DDX51: variants seen among roughly 807,000 people sequenced by gnomAD.
The protein encoded by DDX51 is ATP-dependent RNA helicase DDX51.
In DDX51, 67 loss-of-function variants were observed where a neutral mutation model predicts 74.6. That is an observed-to-expected ratio of 0.90 (90% CI 0.74 to 1.10). The LOEUF (loss-of-function observed/expected upper bound fraction) is 1.10. Ranked by LOEUF, DDX51 falls within the 50% of genes least tolerant of loss-of-function variation. DDX51 has a pLI of 0.00. For synonymous variants in DDX51, 545 were observed against 402.9 expected, an observed-to-expected ratio of 1.35 and a Z score of -4.22; for missense variants, 1,056 against 905.2, an observed-to-expected ratio of 1.17 and a Z score of -2.14.
At position 132,137,089 on chromosome 12, in the gene DDX51, G is replaced by A. The variant is rs1439047305; in HGVS notation, c.*2183C>T. The A allele has an allele frequency of 6.6e-6, 1 of 152,256 alleles. No individual in the cohort carries two copies. Among genetic ancestry groups the A allele is most frequent in the Non-Finnish European group, 1.5e-5 (1 of 68,068 alleles). 9.4% of individuals were successfully genotyped at this position (152,256 alleles called of 1,614,324 possible). On this transcript the variant is annotated 3_prime_UTR_variant, in exon 15 of 15. Coordinates refer to ENST00000397333, the MANE Select transcript of DDX51 (RefSeq NM_175066.4). ...GTATAGAGAGTTTCTGTCAGACTCA[G>A]TCTGTGCTGCTCTGTGACACTTTTC... is the stretch of plus-strand genomic sequence containing the variant.
At chr12:132,141,200 G>C in intron 8 of DDX51, 75 bp downstream of exon 8, 1 of 1,515,370 alleles carries the variant, frequency 6.6e-7, no homozygotes. Context: ...CTTATCTCTG[G>C]GCATTAAGGA....
chr12:132,142,285 C>G lies in DDX51; in HGVS notation c.808G>C (p.Val270Leu). The change falls in exon 4 of 15, where the codon GTG becomes CTG. Residue 270 changes from valine (V) to leucine (L), a missense_variant. Val to Leu is a conservative substitution (Grantham distance 32, BLOSUM62 1). Coordinates refer to ENST00000397333, the MANE Select transcript of DDX51 (RefSeq NM_175066.4). ...GGGACCCTCACACAGACCTGCACCACAGGGATGACGAAGGCCAGTGTCTTC... is the reference window on the plus strand; with the variant it reads ...GGGACCCTCACACAGACCTGCACCAGAGGGATGACGAAGGCCAGTGTCTTC... ...SGKTLAFVIPVVQALLSRVVC... is the reference protein window; with the variant it reads ...SGKTLAFVIPLVQALLSRVVC... The G allele has an allele frequency of 6.2e-7, 1 of 1,613,098 alleles. No homozygotes were observed. Among genetic ancestry groups the G allele is most frequent in the Non-Finnish European group, 8.5e-7 (1 of 1,179,960 alleles).
At chr12:132,143,553 T>C (rs986940971) in intron 2 of DDX51, 142 bp downstream of exon 2, 1 of 1,139,588 alleles carries the variant, frequency 8.8e-7, no homozygotes. Context: ...CCCTAGGCGA[T>C]GAAACTGCAG....
At chr12:132,141,816 C>A in intron 6 of DDX51, 34 bp downstream of exon 6, 3 of 1,605,328 alleles carry the variant, frequency 1.9e-6, no homozygotes, top group Non-Finnish European at 2.6e-6. Flanking sequence ...TGAGCAGGGA[C>A]CCCCTGAAAA....
Position 132,140,469 on chromosome 12 carries a change from G to A in DDX51, c.1627C>T (p.Gln543Ter). Reference sequence around the variant, plus strand: ...AACTGCTTCAGGATCATCCTCCTCTGGCCAGGCCCGTAGCGCGAGGAGAAC... The same window carrying A: ...AACTGCTTCAGGATCATCCTCCTCTAGCCAGGCCCGTAGCGCGAGGAGAAC... ...AEFSSRYGPG[Q>*]RRMILKQFEQ... is the part of the protein sequence containing the mutation. Residue 543 changes from glutamine (Q) to a stop codon, truncating the protein, a stop_gained, in exon 11 of 15, where the codon CAG becomes TAG. Transcript: ENST00000397333. LOFTEE classifies it high-confidence loss of function. 1.2e-6 allele frequency: 2 copies of A among 1,613,262 alleles called. No homozygotes were observed. The highest frequency in any genetic ancestry group is 8.5e-7 in the Non-Finnish European group (1 of 1,180,026).
Position 132,142,759 on chromosome 12 carries a change from C to T in DDX51, c.639G>A (p.Leu213=), listed in dbSNP as rs766863211. 4 of 1,612,992 alleles carry T rather than the reference C, an allele frequency of 2.5e-6. No homozygotes were observed. Among genetic ancestry groups the T allele is most frequent in the Non-Finnish European group, 3.4e-6 (4 of 1,179,998 alleles). The change falls in exon 3 of 15, where the codon CTG becomes CTA. Residue 213 remains leucine (L), a synonymous_variant. Transcript: ENST00000397333. ...PDVHPDLQKQ[L]RAHGISSYFP... ...AGTAGGACGAGATGCCGTGTGCCCG[C>T]AGCTGCTTCTGCAGGTCAGGATGGA...
chr12:132,140,999 G>A lies in DDX51; in HGVS notation c.1272C>T (p.Pro424=). The A allele has an allele frequency of 3.1e-6, 5 of 1,598,308 alleles. No homozygotes were observed. Among genetic ancestry groups the A allele is most frequent in the Non-Finnish European group, 4.3e-6 (5 of 1,174,488 alleles). The change falls in exon 9 of 15, where the codon CCC becomes CCT. Residue 424 remains proline, a synonymous_variant. Transcript: ENST00000397333. ...TAASTCCPQM[P]LQKLLFSATL... is the part of the protein sequence containing the mutation. ...TAGCTGAGAAGAGCAGCTTCTGCAG[G>A]GGCATCTGGGGACAGCAGGTGCTGG...
intron 5 of DDX51, 52 bp from the exon 6 acceptor site, chr12:132,142,008 C>A: frequency 6.2e-7 from 1 of 1,607,716 alleles, no homozygotes; most frequent in Non-Finnish European, 8.5e-7. Context: ...CCACCTACTG[C>A]AGCAAAAAGG....
chr12:132,142,878 C>G lies in DDX51; in HGVS notation c.520G>C (p.Val174Leu). The G allele has an allele frequency of 6.2e-7, 1 of 1,612,608 alleles. No individual in the cohort carries two copies. Among genetic ancestry groups the G allele is most frequent in the East Asian group, 2.2e-5 (1 of 44,884 alleles). The change falls in exon 3 of 15, where the codon GTC becomes CTC. Residue 174 changes from valine to leucine, a missense_variant and splice_region_variant. By Grantham distance (32) the Val-to-Leu change is conservative. Transcript: ENST00000397333. ...AGCCACCTTGGCAGGAAAGGCTGGA[C>G]CTGCCATCAAAAAGAAAGAGAGGCC... ...GGFGKRKAPKVQPFLPRWLAE... is the reference protein window; with the variant it reads ...GGFGKRKAPKLQPFLPRWLAE...
chr12:132,141,241 G>C (rs767776545), intron 8 of DDX51, 34 bp downstream of exon 8: 1 of 1,567,820 alleles, frequency 6.4e-7, no homozygotes, highest in South Asian at 1.1e-5. Flanking sequence ...ACTCTGCTCA[G>C]GGGAGGCCAG....
In DDX51 at chr12:132,141,595, T is replaced by C; in HGVS notation, c.1007A>G (p.Tyr336Cys). 1.3e-6 allele frequency: 2 copies of C among 1,596,572 alleles called. No homozygotes were observed. Among genetic ancestry groups the C allele is most frequent in the Non-Finnish European group, 1.7e-6 (2 of 1,172,942 alleles). Residue 336 changes from tyrosine to cysteine, a missense_variant, in exon 7 of 15, where the codon TAC becomes TGC. Tyr to Cys is a radical substitution (Grantham distance 194). Coordinates refer to ENST00000397333, the MANE Select transcript of DDX51 (RefSeq NM_175066.4). ...ESLVQKTADG[Y>C]RCLADIVVAT... ...TACCACGATGTCAGCCAAGCAGCGG[T>C]ACCCATCAGCTCTACAGACCAGAGA...
At chr12:132,143,341 G>A (rs1484420463) in intron 2 of DDX51, 2 of 456,052 alleles carry the variant, frequency 4.4e-6, no homozygotes, top group Non-Finnish European at 7.8e-6. Flanking sequence ...TCTCTTTACC[G>A]AAAACCACAC....
At position 132,142,392 on chromosome 12, in the gene DDX51, T is replaced by C. The variant is rs752811542; in HGVS notation, c.701A>G (p.Glu234Gly). Reference sequence around the variant, plus strand: ...CACCAGAAACCCACAGGCTGCGCTCTCCAGGAGGGCAGGAATCACAGCTGC... The same window carrying C: ...CACCAGAAACCCACAGGCTGCGCTCCCCAGGAGGGCAGGAATCACAGCTGC... Reference protein sequence around the residue: ...VQAAVIPALLESAACGFLVGR... With the variant: ...VQAAVIPALLGSAACGFLVGR... Residue 234 changes from glutamate to glycine, a missense_variant, in exon 4 of 15, where the codon GAG becomes GGG. Transcript: ENST00000397333. 1.7e-5 allele frequency: 27 copies of C among 1,612,596 alleles called. No individual in the cohort carries two copies. The highest frequency in any genetic ancestry group is 2.3e-5 in the Non-Finnish European group (27 of 1,180,004).
At position 132,139,104 on chromosome 12, in the gene DDX51, G is replaced by C. The variant is rs1897352698; in HGVS notation, c.*168C>G. 3.0e-6 allele frequency: 3 copies of C among 991,968 alleles called. No individual in the cohort carries two copies. The highest frequency in any genetic ancestry group is 2.6e-5 in the East Asian group (1 of 37,904). 61.4% of individuals were successfully genotyped at this position (991,968 alleles called of 1,614,324 possible). A position where few individuals can be genotyped will look rare whatever the true frequency, so the allele number is the denominator to read the frequency against. On this transcript the variant is annotated 3_prime_UTR_variant, in exon 15 of 15. Coordinates refer to ENST00000397333, the MANE Select transcript of DDX51 (RefSeq NM_175066.4). ...AAGTCTCCAGTCGGGGCAGGTGCTT[G>C]AGCTCTGACGCCCGGGCTGCCTGGC... is the stretch of plus-strand genomic sequence containing the variant.
chr12:132,138,464 C>T lies in DDX51; in HGVS notation c.*808G>A, dbSNP rs1194580177. ...AGTAGCTGGGACTATAGGTGCCCGC[C>T]ACCACGCCCGGCTAGTTGTTTTTTT... On this transcript the variant is annotated 3_prime_UTR_variant, in exon 15 of 15. Coordinates refer to ENST00000397333, the MANE Select transcript of DDX51 (RefSeq NM_175066.4). The T allele has an allele frequency of 6.8e-6, 1 of 147,428 alleles. No homozygotes were observed. The highest frequency in any genetic ancestry group is 1.5e-5 in the Non-Finnish European group (1 of 67,224). The allele number at this position is 147,428 out of a possible 1,614,324, so 9.1% of individuals were successfully genotyped here.
intron 2 of DDX51, 88 bp from the exon 3 acceptor site, chr12:132,142,966 C>T (rs755786136): frequency 7.0e-6 from 11 of 1,570,544 alleles, no homozygotes; most frequent in Admixed American, 3.4e-5. Flanking sequence ...GGGAGGGAGG[C>T]TGGGGAAACC....
At position 132,141,602 on chromosome 12, in the gene DDX51, C is replaced by A; in HGVS notation, c.1000G>T (p.Asp334Tyr). ...ATGTCAGCCAAGCAGCGGTACCCAT[C>A]AGCTCTACAGACCAGAGAGCAGCTC... is the stretch of plus-strand genomic sequence containing the variant. ...EQESLVQKTA[D>Y]GYRCLADIVV... is the part of the protein sequence containing the mutation. The change falls in exon 7 of 15, where the codon GAT becomes TAT. Residue 334 changes from aspartate to tyrosine, a missense_variant. Coordinates refer to ENST00000397333, the MANE Select transcript of DDX51 (RefSeq NM_175066.4). The A allele has an allele frequency of 6.3e-7, 1 of 1,585,902 alleles. No homozygotes were observed.
In DDX51 at chr12:132,141,433, G is replaced by A. The variant is rs767767806; in HGVS notation, c.1105-13C>T. On this transcript the variant is annotated splice_polypyrimidine_tract_variant and intron_variant, in intron 7 of 14. Coordinates refer to ENST00000397333, the MANE Select transcript of DDX51 (RefSeq NM_175066.4). Reference sequence around the variant, plus strand: ...CCTCGTCGATAATCTGCAGGAGACAGGGAGCCCGGGACTGGGTGGCGCGGC... The same window carrying A: ...CCTCGTCGATAATCTGCAGGAGACAAGGAGCCCGGGACTGGGTGGCGCGGC... The A allele has an allele frequency of 2.5e-6, 4 of 1,586,880 alleles. No homozygotes were observed. The highest frequency in any genetic ancestry group is 2.2e-5 in the South Asian group (2 of 90,216).
intron 12 of DDX51, 49 bp from the exon 13 acceptor site, chr12:132,139,973 G>A: frequency 5.0e-6 from 8 of 1,611,950 alleles, no homozygotes; most frequent in Non-Finnish European, 6.8e-6. Flanking sequence ...GCCTTCAAGA[G>A]TCTGACGGAA....
Sources: gnomAD v4.1 joint callset for allele counts on GRCh38, gnomAD v4.1.1 for gene constraint, MANE v1.5 for transcripts, NCBI Gene and HGNC (gene_info 2026-07-23, HGNC 2026-07-21) for gene names.